Variants in DGKB observed in about 807,000 individuals in gnomAD.
The protein encoded by DGKB is diacylglycerol kinase beta.
A neutral mutation model predicts 114.3 loss-of-function variants in DGKB; 67 were observed. That is an observed-to-expected ratio of 0.59 (90% CI 0.48 to 0.72). DGKB has a LOEUF of 0.72. DGKB is among the 30% of genes least tolerant of loss of function. DGKB has a pLI of 0.00. For synonymous variants in DGKB, 398 were observed against 323.1 expected, an observed-to-expected ratio of 1.23 and a Z score of -2.49; for missense variants, 907 against 975.2, an observed-to-expected ratio of 0.93 and a Z score of 0.93.
intron 13 of DGKB, among the ~76,000 whole-genome samples, chr7:14,636,513 C>T (rs1003308462): frequency 7.9e-5 from 12 of 151,916 alleles, no homozygotes; most frequent in African/African-American, 2.9e-4. Context: ...GAAATAGAAA[C>T]TTTGCTATGT....
intron 23 of DGKB, among the ~76,000 whole-genome samples, chr7:14,304,157 C>T (rs1228036266): frequency 1.3e-5 from 2 of 149,962 alleles, no homozygotes; most frequent in Non-Finnish European, 1.5e-5. Context: ...AACAAATCAA[C>T]CTGTAATTCT....
At chr7:14,287,024 G>C (rs1014744863) in intron 23 of DGKB, among the ~76,000 whole-genome samples, 1 of 151,986 alleles carries the variant, frequency 6.6e-6, no homozygotes, top group African/African-American at 2.4e-5. Context: ...TGGTGTATGT[G>C]GGGGTGGGGG....
intron 13 of DGKB, among the ~76,000 whole-genome samples, chr7:14,669,471 G>C (rs566461154): frequency 6.6e-6 from 1 of 152,224 alleles, no homozygotes; most frequent in South Asian, 2.1e-4. Context: ...CCACAGAGGT[G>C]ACTCCCTCAA....
intron 23 of DGKB, among the ~76,000 whole-genome samples, chr7:14,256,734 C>T (rs1190042985): frequency 6.6e-6 from 1 of 152,074 alleles, no homozygotes; most frequent in Admixed American, 6.6e-5. Context: ...TTCAAATATG[C>T]ATTGAAGGTA....
chr7:14,438,764 A>G (rs1321798613), intron 21 of DGKB, among the ~76,000 whole-genome samples: 1 of 152,136 alleles, frequency 6.6e-6, no homozygotes, highest in African/African-American at 2.4e-5. Flanking sequence ...ATAGGTTTCA[A>G]TCCAACAATA....
At chr7:14,177,479 T>C (rs1323694456) in intron 24 of DGKB, among the ~76,000 whole-genome samples, 2 of 137,230 alleles carry the variant, frequency 1.5e-5, no homozygotes, top group Non-Finnish European at 3.0e-5. Context: ...TCCTTGAAAC[T>C]GGAAGGTGGG....
At chr7:14,660,740 C>T (rs1164781128) in intron 13 of DGKB, among the ~76,000 whole-genome samples, 3 of 151,786 alleles carry the variant, frequency 2.0e-5, no homozygotes, top group South Asian at 2.1e-4. Context: ...GAGCCCGCAT[C>T]GCCAAGTCAA....
intron 1 of DGKB, among the ~76,000 whole-genome samples, chr7:14,974,351 C>G (rs2115318872): frequency 6.6e-6 from 1 of 152,050 alleles, no homozygotes; most frequent in African/African-American, 2.4e-5. Context: ...TTGACAACAA[C>G]AAAAAGATTT....
chr7:14,686,365 T>C (rs984188608), intron 9 of DGKB, among the ~76,000 whole-genome samples: 4 of 152,160 alleles, frequency 2.6e-5, no homozygotes, highest in African/African-American at 9.7e-5. Flanking sequence ...TTTGCTACCA[T>C]CATTTTCTCC....
At chr7:14,538,252 C>T (rs1299439101) in intron 20 of DGKB, among the ~76,000 whole-genome samples, 1 of 151,856 alleles carries the variant, frequency 6.6e-6, no homozygotes, top group African/African-American at 2.4e-5. Flanking sequence ...TAAGGAACTC[C>T]TACACCTCAA....
chr7:14,172,197 G>T (rs1448605069), intron 25 of DGKB, among the ~76,000 whole-genome samples: 1 of 151,550 alleles, frequency 6.6e-6, no homozygotes, highest in African/African-American at 2.4e-5. Flanking sequence ...AAAAGTAAGA[G>T]ATTATGTTGG....
intron 23 of DGKB, among the ~76,000 whole-genome samples, chr7:14,221,103 T>C (rs1354173436): frequency 6.6e-6 from 1 of 151,398 alleles, no homozygotes; most frequent in Non-Finnish European, 1.5e-5. Flanking sequence ...AAGAACATGT[T>C]ATGTGCAAAT....
At chr7:14,326,775 T>G (rs1808817763) in intron 23 of DGKB, among the ~76,000 whole-genome samples, 1 of 152,138 alleles carries the variant, frequency 6.6e-6, no homozygotes, top group South Asian at 2.1e-4. Flanking sequence ...ATACTTTGGT[T>G]CCCTGATTTT....
At chr7:14,259,855 T>G (rs1199346227) in intron 23 of DGKB, among the ~76,000 whole-genome samples, 1 of 152,202 alleles carries the variant, frequency 6.6e-6, no homozygotes, top group Non-Finnish European at 1.5e-5. Context: ...ACATTGTCAT[T>G]GAAACATTAA....
intron 21 of DGKB, among the ~76,000 whole-genome samples, chr7:14,408,717 T>C (rs1478857172): frequency 1.3e-5 from 2 of 152,080 alleles, no homozygotes; most frequent in Non-Finnish European, 2.9e-5. Flanking sequence ...AAAAACAAGC[T>C]AAAAAATGAG....
chr7:14,327,228 A>G (rs1388798434), intron 23 of DGKB, among the ~76,000 whole-genome samples: 7 of 152,152 alleles, frequency 4.6e-5, no homozygotes, highest in Non-Finnish European at 7.4e-5. Flanking sequence ...CTGACTTTTA[A>G]ATGAACATTT....
At chr7:14,450,186 C>T (rs1473959583) in intron 21 of DGKB, among the ~76,000 whole-genome samples, 3 of 152,020 alleles carry the variant, frequency 2.0e-5, no homozygotes, top group African/African-American at 4.8e-5. Context: ...CCATATATTG[C>T]CATGCTGGTT....
chr7:14,806,092 C>A (rs1394260061), intron 2 of DGKB, among the ~76,000 whole-genome samples: 5 of 151,666 alleles, frequency 3.3e-5, no homozygotes, highest in Non-Finnish European at 5.9e-5. Flanking sequence ...ATTTACATTA[C>A]AAAATGGCAT....
rs1199482284 is a variant in DGKB, at chr7:14,634,647, GA to G, written c.1135-4380del. On this transcript the variant is annotated intron_variant, in intron 13 of 25. Transcript: ENST00000402815. Reference sequence around the variant, plus strand: ...CATCAAAAAAGTAGTAAGAGACAGAGAAAAAAAACTAGGGTAAGATAAAGAA... The same window carrying G: ...CATCAAAAAAGTAGTAAGAGACAGAGAAAAAAACTAGGGTAAGATAAAGAA... 2.6e-5 allele frequency among the ~76,000 whole-genome samples: 4 copies of G among 151,014 alleles called. No homozygotes were observed. In the East Asian group the frequency reaches 5.8e-4, roughly 22 times the overall value.
Sources: gnomAD v4.1 joint callset for allele counts (sites outside exome capture counted in the v4.1 genomes callset) on GRCh38, gnomAD v4.1.1 for gene constraint, MANE v1.5 for transcripts, NCBI Gene and HGNC (gene_info 2026-07-23, HGNC 2026-07-21) for gene names.